Variants in OSBPL8 observed in about 807,000 individuals in gnomAD.
The protein encoded by OSBPL8 is oxysterol-binding protein-related protein 8.
Under a neutral mutation model 125.5 loss-of-function variants are expected in OSBPL8, and 59 were observed. That is an observed-to-expected ratio of 0.47 (90% CI 0.38 to 0.58). The LOEUF (loss-of-function observed/expected upper bound fraction) is 0.58, where lower values mean the gene tolerates loss of function less well. Ranked by LOEUF, OSBPL8 falls within the 20% of genes least tolerant of loss-of-function variation. OSBPL8 has a pLI of 0.00. For synonymous variants in OSBPL8, 330 were observed against 338.9 expected (o/e 0.97, Z 0.29); for missense variants, 758 against 1,047.8 (o/e 0.72, Z 3.82).
chr12:76,390,341 G>A, intron 11 of OSBPL8, 79 bp downstream of exon 11: 2 of 1,067,722 alleles, frequency 1.9e-6, no homozygotes, highest in Non-Finnish European at 2.8e-6. Flanking sequence ...AATAGATCAA[G>A]CAAATAATAT....
At chr12:76,435,603 G>A (rs540153343) in intron 4 of OSBPL8, among the ~76,000 whole-genome samples, 88 of 152,098 alleles carry the variant, frequency 5.8e-4, no homozygotes, top group African/African-American at 2.0e-3. Flanking sequence ...GCTTGATTGT[G>A]GTGATAATTT....
chr12:76,392,058 C>T (rs1169010443), intron 10 of OSBPL8, among the ~76,000 whole-genome samples: 1 of 152,162 alleles, frequency 6.6e-6, no homozygotes, highest in Non-Finnish European at 1.5e-5. Context: ...GTGTTAACTA[C>T]AATAAATGCT....
At chr12:76,558,191 T>C (rs945481437) in intron 1 of OSBPL8, among the ~76,000 whole-genome samples, 2 of 152,168 alleles carry the variant, frequency 1.3e-5, no homozygotes, top group East Asian at 3.8e-4. Context: ...CAGTTTTAAA[T>C]TGCATGGCCT....
At chr12:76,441,060 ATTTCCTTATAATGTTTCCCTACTTC>A (rs1320614208) in intron 4 of OSBPL8, among the ~76,000 whole-genome samples, 1 of 152,124 alleles carries the variant, frequency 6.6e-6, no homozygotes, top group Non-Finnish European at 1.5e-5. Context: ...AAGCTTTCAT[ATTTCCTTATAATGTTTCCCTACTTC>A]TTTCCCCTAT....
chr12:76,550,908 T>C (rs545577904), intron 1 of OSBPL8, among the ~76,000 whole-genome samples: 2 of 152,118 alleles, frequency 1.3e-5, no homozygotes, highest in East Asian at 1.9e-4. Context: ...AAACCCTGTC[T>C]GTACAAAAAA....
chr12:76,554,212 T>C (rs986452877), intron 1 of OSBPL8, among the ~76,000 whole-genome samples: 3 of 152,168 alleles, frequency 2.0e-5, no homozygotes, highest in African/African-American at 4.8e-5. Context: ...GATTTAAAAA[T>C]AGGATGTCAG....
In OSBPL8 at chr12:76,369,751, A is replaced by G. The variant is rs1485496922; in HGVS notation, c.2126T>C (p.Leu709Ser). 1.2e-6 allele frequency: 2 copies of G among 1,613,670 alleles called. No homozygotes were observed. Among genetic ancestry groups the G allele is most frequent in the Non-Finnish European group, 1.7e-6 (2 of 1,179,746 alleles). Reference sequence around the variant, plus strand: ...GGCAGCTTGTCTTTGAGCTTCTTCCAAAACATACTTCTCTTGGGTAGCTTC... The same window carrying G: ...GGCAGCTTGTCTTTGAGCTTCTTCCGAAACATACTTCTCTTGGGTAGCTTC... ...QTEATQEKYV[L>S]EEAQRQAARD... The change falls in exon 20 of 24, where the codon TTG becomes TCG. Residue 709 changes from leucine (L) to serine (S), a missense_variant. By Grantham distance (145) the Leu-to-Ser change is moderately radical. Around this residue, in one of 3 missense-constraint regions of OSBPL8, gnomAD observed 572 missense variants for 762.0 expected, o/e 0.75. Coordinates refer to ENST00000261183, the MANE Select transcript of OSBPL8 (RefSeq NM_020841.5).
At chr12:76,369,542 T>G in intron 20 of OSBPL8, 95 bp downstream of exon 20, 2 of 1,403,172 alleles carry the variant, frequency 1.4e-6, no homozygotes, top group Non-Finnish European at 1.9e-6. Context: ...ATGGTTTAAT[T>G]AAATAAAAAC....
In OSBPL8 at chr12:76,545,916, T is replaced by A. The variant is rs555172221; in HGVS notation, c.-68+13481A>T. Among the ~76,000 whole-genome samples the A allele has an allele frequency of 5.9e-5, 9 of 152,306 alleles. No homozygotes were observed. In the South Asian group the frequency reaches 1.9e-3, roughly 32 times the overall value. Reference sequence around the variant, plus strand: ...GGAAAAAATTCTTAGTGATTATTTTTAAAAACATACAGAGTTGACCCTCGA... The same window carrying A: ...GGAAAAAATTCTTAGTGATTATTTTAAAAAACATACAGAGTTGACCCTCGA... On this transcript the variant is annotated intron_variant, in intron 1 of 23. Transcript: ENST00000261183.
chr12:76,521,866 G>GGAT (rs1303302442), intron 1 of OSBPL8, among the ~76,000 whole-genome samples: 1 of 152,086 alleles, frequency 6.6e-6, no homozygotes, highest in African/African-American at 2.4e-5. Context: ...TTCTGGAAAT[G>GGAT]GATGATACTG....
chr12:76,426,031 G>A (rs1268796798), intron 4 of OSBPL8, among the ~76,000 whole-genome samples: 3 of 152,122 alleles, frequency 2.0e-5, no homozygotes, highest in Non-Finnish European at 4.4e-5. Context: ...ATAAGCAGGA[G>A]GCCAATGGCC....
At chr12:76,367,987 A>G (rs1484485649) in intron 21 of OSBPL8, among the ~76,000 whole-genome samples, 7 of 152,360 alleles carry the variant, frequency 4.6e-5, no homozygotes, top group Admixed American at 1.3e-4. Flanking sequence ...TAAAATTACA[A>G]TAGCACTAGC....
intron 4 of OSBPL8, among the ~76,000 whole-genome samples, chr12:76,441,251 C>T (rs528951101): frequency 2.0e-5 from 3 of 152,052 alleles, no homozygotes; most frequent in Non-Finnish European, 4.4e-5. Context: ...GGATATTGGG[C>T]CATCTGTCAA....
intron 21 of OSBPL8, among the ~76,000 whole-genome samples, chr12:76,366,178 G>C (rs1191883610): frequency 6.6e-6 from 1 of 152,100 alleles, no homozygotes; most frequent in African/African-American, 2.4e-5. Context: ...TTAAAGTTTT[G>C]TAGAATTCAC....
chr12:76,418,298 C>A (rs1170612745), intron 4 of OSBPL8, among the ~76,000 whole-genome samples: 2 of 151,998 alleles, frequency 1.3e-5, no homozygotes, highest in African/African-American at 4.8e-5. Flanking sequence ...AGCCACTGTG[C>A]CAGGCCGATT....
At chr12:76,467,846 A>G (rs1875651376) in intron 2 of OSBPL8, among the ~76,000 whole-genome samples, 1 of 152,162 alleles carries the variant, frequency 6.6e-6, no homozygotes, top group South Asian at 2.1e-4. Flanking sequence ...CAAGATCACC[A>G]TACACAGAAG....
At chr12:76,437,976 T>A (rs943971465) in intron 4 of OSBPL8, among the ~76,000 whole-genome samples, 1 of 148,610 alleles carries the variant, frequency 6.7e-6, no homozygotes, top group Non-Finnish European at 1.5e-5. Context: ...TAAGTAAAAC[T>A]TCTTCTTTTT....
At chr12:76,360,331 C>G (rs1400718831) in intron 21 of OSBPL8, among the ~76,000 whole-genome samples, 3 of 152,220 alleles carry the variant, frequency 2.0e-5, no homozygotes, top group East Asian at 3.9e-4. Context: ...TCCTTTGACT[C>G]CACGTTTCAT....
intron 11 of OSBPL8, 67 bp from the exon 12 acceptor site, chr12:76,389,896 C>G: frequency 7.9e-7 from 1 of 1,269,934 alleles, no homozygotes; most frequent in Non-Finnish European, 1.0e-6. Flanking sequence ...AACAAGCCAG[C>G]TAATGTTGAA....
Sources: allele counts gnomAD v4.1 joint callset (sites outside exome capture counted in the v4.1 genomes callset), GRCh38; gene constraint gnomAD v4.1.1; regional missense constraint gnomAD v4.1.1; transcripts MANE v1.5; gene names NCBI Gene and HGNC (gene_info 2026-07-23, HGNC 2026-07-21).